The following IL36G variants were observed in gnomAD, a reference collection of about 807,000 sequenced individuals.
The protein encoded by IL36G is interleukin-36 gamma.
IL36G carries 10 observed loss-of-function variants against 13.5 expected under a neutral mutation model. That is an observed-to-expected ratio of 0.74 (90% CI 0.46 to 1.26). The LOEUF (loss-of-function observed/expected upper bound fraction) is 1.26, where lower values mean the gene tolerates loss of function less well. Ranked by LOEUF, IL36G falls within the 50% of genes most tolerant of loss-of-function variation. The pLI is 0.00. For synonymous variants in IL36G, 84 were observed against 74.0 expected (o/e 1.13, Z -0.69); for missense variants, 199 against 203.0 (o/e 0.98, Z 0.12).
In IL36G at chr2:112,978,709, T is replaced by C. The variant is rs1684208440; in HGVS notation, c.55+16T>C. On this transcript the variant is annotated intron_variant, in intron 2 of 4. Transcript: ENST00000259205. Reference sequence around the variant, plus strand: ...TATCAATCAAGTGAATCAAATGCTGTTGGGATGGGGCTCTGGAGGCTTAGG... The same window carrying C: ...TATCAATCAAGTGAATCAAATGCTGCTGGGATGGGGCTCTGGAGGCTTAGG... 1 of 1,613,490 alleles carries C rather than the reference T, an allele frequency of 6.2e-7. No homozygotes were observed. Among genetic ancestry groups the C allele is most frequent in the African/African-American group, 1.3e-5 (1 of 74,932 alleles).
At chr2:112,978,773 C>A in intron 2 of IL36G, 80 bp downstream of exon 2, 1 of 1,357,886 alleles carries the variant, frequency 7.4e-7, no homozygotes, top group Non-Finnish European at 1.1e-6. Context: ...AAGCCCCAGC[C>A]TTCTCTGCTC....
rs370239767 is a variant in IL36G at position 112,979,433 on chromosome 2, G to T, written c.160+108G>T. ...TTTACAATGGGGCCCACCAGGAGTG[G>T]GGAGAATTTCACACCTAATTGGGAA... On this transcript the variant is annotated intron_variant, in intron 3 of 4. Coordinates refer to ENST00000259205, the MANE Select transcript of IL36G (RefSeq NM_019618.4). The T allele has an allele frequency of 1.9e-4, 127 of 652,418 alleles. 1 individual carries two copies. Among genetic ancestry groups the T allele is most frequent in the East Asian group, 1.7e-3 (61 of 35,906 alleles). The allele number at this position is 652,418 out of a possible 1,614,324, so 40.4% of individuals were successfully genotyped here. A position where few individuals can be genotyped will look rare whatever the true frequency, so the allele number is the denominator to read the frequency against.
chr2:112,979,872 G>A, intron 3 of IL36G, 137 bp from the exon 4 acceptor site: 2 of 619,768 alleles, frequency 3.2e-6, no homozygotes, highest in Non-Finnish European at 5.5e-6. Context: ...TATGGGGGTT[G>A]GCCATTTGGT....
intron 4 of IL36G, 21 bp from the exon 5 acceptor site, chr2:112,984,819 G>T: frequency 1.3e-6 from 2 of 1,590,660 alleles, no homozygotes; most frequent in Non-Finnish European, 1.7e-6. Context: ...CTCCTAATGG[G>T]TACTTGTTCT....
At chr2:112,979,881 G>A in intron 3 of IL36G, 128 bp from the exon 4 acceptor site, 2 of 790,968 alleles carry the variant, frequency 2.5e-6, no homozygotes, top group Non-Finnish European at 4.0e-6. Context: ...TGGCCATTTG[G>A]TGGGTCTAGT....
In IL36G at chr2:112,981,175, T is replaced by G. The variant is rs953963716; in HGVS notation, c.300+1027T>G. ...AAATGCACACACTACACTTGGCATC[T>G]GCAGCACCTTCAGCTTTCTGTGCCT... is the stretch of plus-strand genomic sequence containing the variant. On this transcript the variant is annotated intron_variant, in intron 4 of 4. Transcript: ENST00000259205. 4 of 1,188,272 alleles carry G rather than the reference T, an allele frequency of 3.4e-6. No homozygotes were observed. The Admixed American group carries it at 5.1e-5, about 15-fold the overall frequency. The allele number at this position is 1,188,272 out of a possible 1,614,324, so 73.6% of individuals were successfully genotyped here. A position where few individuals can be genotyped will look rare whatever the true frequency, so the allele number is the denominator to read the frequency against.
intron 4 of IL36G, among the ~76,000 whole-genome samples, chr2:112,982,798 C>G (rs930862455): frequency 3.9e-5 from 6 of 151,952 alleles, no homozygotes; most frequent in Admixed American, 3.9e-4. Context: ...TTGGCAGGAG[C>G]AGTGTTGGTG....
intron 4 of IL36G, among the ~76,000 whole-genome samples, chr2:112,983,373 A>C (rs1403074058): frequency 6.6e-6 from 1 of 152,252 alleles, no homozygotes; most frequent in African/African-American, 2.4e-5. Context: ...GGGATTGATG[A>C]ATAAATACGC....
intron 3 of IL36G, among the ~76,000 whole-genome samples, chr2:112,979,660 AT>A (rs1443713604): frequency 6.6e-6 from 1 of 152,178 alleles, no homozygotes; most frequent in Non-Finnish European, 1.5e-5. Flanking sequence ...TCAGCATCAC[AT>A]TGGGAAAAAC....
chr2:112,980,283 G>A (rs1684240315), intron 4 of IL36G, 135 bp downstream of exon 4: 1 of 759,800 alleles, frequency 1.3e-6, no homozygotes, highest in African/African-American at 1.8e-5. Flanking sequence ...TAAGTTATGT[G>A]CATGCAATAC....
chr2:112,980,548 T>G (rs1684243890), intron 4 of IL36G, among the ~76,000 whole-genome samples: 1 of 152,218 alleles, frequency 6.6e-6, no homozygotes, highest in Non-Finnish European at 1.5e-5. Context: ...AGGGAGAGTT[T>G]AGAGTGAGAG....
chr2:112,984,733 A>T (rs1684323273), intron 4 of IL36G, 107 bp from the exon 5 acceptor site: 3 of 942,042 alleles, frequency 3.2e-6, no homozygotes, highest in Admixed American at 2.0e-5. Flanking sequence ...TAATAGATGG[A>T]TAAGGTTTTC....
At chr2:112,978,468 G>A (rs796508287) in intron 1 of IL36G, among the ~76,000 whole-genome samples, 152 bp from the exon 2 acceptor site, 23 of 152,266 alleles carry the variant, frequency 1.5e-4, no homozygotes, top group African/African-American at 3.6e-4. Flanking sequence ...TTCAAGTTTC[G>A]TCCCAGATGT....
chr2:112,982,589 T>G (rs1404491146), intron 4 of IL36G, among the ~76,000 whole-genome samples: 1 of 151,464 alleles, frequency 6.6e-6, no homozygotes, highest in Non-Finnish European at 1.5e-5. Context: ...GCAGCAGAGG[T>G]GGGGAGCAGT....
Position 112,978,649 on chromosome 2 carries a change from C to T in IL36G, c.11C>T (p.Thr4Ile). 2 of 1,614,166 alleles carry T rather than the reference C, an allele frequency of 1.2e-6. No homozygotes were observed. The highest frequency in any genetic ancestry group is 1.7e-6 in the Non-Finnish European group (2 of 1,180,008). MRG[T>I]PGDADGGGRA... Reference sequence around the variant, plus strand: ...TGAGACAACCACACTATGAGAGGCACTCCAGGAGACGCTGATGGTGGAGGA... The same window carrying T: ...TGAGACAACCACACTATGAGAGGCATTCCAGGAGACGCTGATGGTGGAGGA... The change falls in exon 2 of 5, where the codon ACT (threonine) becomes ATT (isoleucine). Residue 4 changes from threonine to isoleucine, a missense_variant. Physicochemically the swap from Thr to Ile is moderately conservative, Grantham distance 89. Coordinates refer to ENST00000259205, the MANE Select transcript of IL36G (RefSeq NM_019618.4).
intron 4 of IL36G, among the ~76,000 whole-genome samples, chr2:112,982,169 C>G (rs1363165022): frequency 1.3e-5 from 2 of 152,188 alleles, no homozygotes; most frequent in Non-Finnish European, 2.9e-5. Context: ...GATAGATAGA[C>G]CAGCAGTACC....
chr2:112,984,793 C>G (rs1684323995), intron 4 of IL36G, 47 bp from the exon 5 acceptor site: 1 of 1,461,786 alleles, frequency 6.8e-7, no homozygotes, highest in African/African-American at 1.4e-5. Context: ...TTGAATATCT[C>G]AAACAGCTTC....
intron 1 of IL36G, among the ~76,000 whole-genome samples, chr2:112,978,289 T>C (rs941629887): frequency 6.6e-6 from 1 of 152,184 alleles, no homozygotes; most frequent in Non-Finnish European, 1.5e-5. Flanking sequence ...ACAATGCCGA[T>C]GAAGGGGTGG....
At chr2:112,980,435 G>A (rs145151910) in intron 4 of IL36G, among the ~76,000 whole-genome samples, 1 of 152,052 alleles carries the variant, frequency 6.6e-6, no homozygotes, top group East Asian at 1.9e-4. Flanking sequence ...GCAGACAATT[G>A]TTAAGAGTAT....
Sources: allele counts gnomAD v4.1 joint callset (sites outside exome capture counted in the v4.1 genomes callset), GRCh38; gene constraint gnomAD v4.1.1; transcripts MANE v1.5; gene names NCBI Gene and HGNC (gene_info 2026-07-23, HGNC 2026-07-21).